The following SGCZ variants were observed in gnomAD, a reference collection of about 807,000 sequenced individuals.
SGCZ encodes the protein sarcoglycan zeta, also known as zeta-sarcoglycan.
A neutral mutation model predicts 41.3 loss-of-function variants in SGCZ; 40 were observed. The ratio of observed to expected loss-of-function variants is 0.97; its 90% confidence interval spans 0.75 to 1.26. The LOEUF (loss-of-function observed/expected upper bound fraction) is 1.26, where lower values mean the gene tolerates loss of function less well. Ranked by LOEUF, SGCZ falls within the 50% of genes most tolerant of loss-of-function variation. The pLI is 0.00. For missense variants in SGCZ, 552 were observed against 369.8 expected, an observed-to-expected ratio of 1.49 and a Z score of -4.04; for synonymous variants, 206 against 137.5, an observed-to-expected ratio of 1.50 and a Z score of -3.49.
At chr8:14,341,276 G>A (rs181657583) in intron 2 of SGCZ, among the ~76,000 whole-genome samples, 2 of 152,226 alleles carry the variant, frequency 1.3e-5, no homozygotes, top group Admixed American at 6.5e-5. Context: ...CAATTCTTTT[G>A]AGTATATATC....
chr8:15,144,105 T>G (rs1327880072), intron 1 of SGCZ, among the ~76,000 whole-genome samples: 4 of 152,138 alleles, frequency 2.6e-5, no homozygotes, highest in Non-Finnish European at 5.9e-5. Flanking sequence ...TAGCAAAATA[T>G]CTGTTTCATT....
At chr8:15,204,258 A>G (rs1800990228) in intron 1 of SGCZ, among the ~76,000 whole-genome samples, 1 of 152,212 alleles carries the variant, frequency 6.6e-6, no homozygotes, top group Non-Finnish European at 1.5e-5. Flanking sequence ...CACAATCAAT[A>G]CATTCAAAAA....
intron 1 of SGCZ, among the ~76,000 whole-genome samples, chr8:14,826,681 C>A (rs1348560365): frequency 6.6e-6 from 1 of 152,026 alleles, no homozygotes; most frequent in Admixed American, 6.6e-5. Flanking sequence ...TCTCTGATAG[C>A]CAGTGATGAT....
chr8:14,990,060 C>T (rs983881477), intron 1 of SGCZ, among the ~76,000 whole-genome samples: 1 of 152,146 alleles, frequency 6.6e-6, no homozygotes, highest in Non-Finnish European at 1.5e-5. Flanking sequence ...ATAACCAATG[C>T]CTTACCCTCC....
intron 2 of SGCZ, among the ~76,000 whole-genome samples, chr8:14,436,581 G>A (rs898173346): frequency 1.3e-5 from 2 of 152,102 alleles, no homozygotes; most frequent in Non-Finnish European, 2.9e-5. Context: ...AAGCAATGCT[G>A]GCAGTACCAA....
chr8:14,690,998 C>G (rs1808782222), intron 1 of SGCZ, among the ~76,000 whole-genome samples: 1 of 152,142 alleles, frequency 6.6e-6, no homozygotes. Flanking sequence ...GCTTAGAATT[C>G]AACCTACATT....
chr8:14,710,170 T>A (rs538869986), intron 1 of SGCZ, among the ~76,000 whole-genome samples: 27 of 151,388 alleles, frequency 1.8e-4, no homozygotes, highest in African/African-American at 6.1e-4. Context: ...ATCGAGACCA[T>A]CCTGGCTAAC....
chr8:14,803,001 C>T (rs964549914), intron 1 of SGCZ, among the ~76,000 whole-genome samples: 1 of 152,134 alleles, frequency 6.6e-6, no homozygotes, highest in Non-Finnish European at 1.5e-5. Flanking sequence ...GCTGTCTTGC[C>T]CACTGCTCCC....
At chr8:14,498,250 T>TA (rs1262610008) in intron 2 of SGCZ, among the ~76,000 whole-genome samples, 2 of 152,206 alleles carry the variant, frequency 1.3e-5, no homozygotes, top group Non-Finnish European at 2.9e-5. Flanking sequence ...TTAAAATTTT[T>TA]ATAGTTCTTC....
intron 1 of SGCZ, among the ~76,000 whole-genome samples, chr8:14,610,868 A>T (rs1216387205): frequency 6.6e-6 from 1 of 152,186 alleles, no homozygotes; most frequent in Non-Finnish European, 1.5e-5. Flanking sequence ...AAGATACGGA[A>T]AGTCAAATAT....
chr8:14,406,548 C>G (rs28428503), intron 2 of SGCZ, among the ~76,000 whole-genome samples: 3 of 152,106 alleles, frequency 2.0e-5, no homozygotes, highest in Admixed American at 6.6e-5. Context: ...TGTGATTTGG[C>G]ATCACATTGA....
At chr8:14,755,397 A>G (rs1416853911) in intron 1 of SGCZ, among the ~76,000 whole-genome samples, 3 of 149,332 alleles carry the variant, frequency 2.0e-5, no homozygotes, top group Non-Finnish European at 4.4e-5. Flanking sequence ...ACAATTAAGG[A>G]GCTCTACTAA....
At chr8:15,085,031 GA>G (rs1211115473) in intron 1 of SGCZ, among the ~76,000 whole-genome samples, 13 of 152,128 alleles carry the variant, frequency 8.5e-5, no homozygotes, top group Admixed American at 2.0e-4. Flanking sequence ...TAATTTGATA[GA>G]TACACATTAT....
intron 1 of SGCZ, among the ~76,000 whole-genome samples, chr8:15,004,834 A>G (rs549222311): frequency 1.3e-5 from 2 of 152,118 alleles, no homozygotes; most frequent in Non-Finnish European, 2.9e-5. Flanking sequence ...CTAGGTGACA[A>G]TGAGGGTTCC....
intron 2 of SGCZ, among the ~76,000 whole-genome samples, chr8:14,510,443 G>GA (rs138784898): frequency 0.017 from 2,552 of 146,474 alleles, 65 homozygotes; most frequent in African/African-American, 0.058. Context: ...TTGTCCTGTA[G>GA]AAAAAAAAAA....
rs771880949 is a variant in SGCZ at position 15,141,506 on chromosome 8, T to C, written c.39+96079A>G. On this transcript the variant is annotated intron_variant, in intron 1 of 7. Coordinates refer to ENST00000382080, the MANE Select transcript of SGCZ (RefSeq NM_139167.4). ...CAGAACAGGGACAGATTTTAGGAAG[T>C]AATTGTACTCTCAATGATGATAAAT... Among the ~76,000 whole-genome samples the C allele has an allele frequency of 3.9e-5, 6 of 152,350 alleles. No individual in the cohort carries two copies. In the East Asian group the frequency reaches 9.6e-4, roughly 24 times the overall value.
At chr8:14,584,135 A>T (rs1223781181) in intron 1 of SGCZ, among the ~76,000 whole-genome samples, 1 of 152,118 alleles carries the variant, frequency 6.6e-6, no homozygotes, top group Non-Finnish European at 1.5e-5. Flanking sequence ...CACTGCTACA[A>T]ACCACATAGA....
chr8:14,953,742 T>A (rs996073026), intron 1 of SGCZ, among the ~76,000 whole-genome samples: 6 of 152,184 alleles, frequency 3.9e-5, no homozygotes, highest in African/African-American at 1.4e-4. Flanking sequence ...GCATGATGTG[T>A]TTAAGAGACT....
rs553677069 is a variant in SGCZ, at chr8:14,387,129, A to G, written c.235-62925T>C. ...GCTCAGGCTGAAATGCAGTTGTTCA[A>G]TCATAACTCCTGGCCTCAAGTGATC... On this transcript the variant is annotated intron_variant, in intron 2 of 7. Transcript: ENST00000382080. Among the ~76,000 whole-genome samples the G allele has an allele frequency of 5.3e-5, 8 of 152,282 alleles. No individual in the cohort carries two copies. In the South Asian group the frequency reaches 1.2e-3, roughly 24 times the overall value.
Sources: allele counts gnomAD v4.1 joint callset (sites outside exome capture counted in the v4.1 genomes callset), GRCh38; gene constraint gnomAD v4.1.1; transcripts MANE v1.5; gene names NCBI Gene and HGNC (gene_info 2026-07-23, HGNC 2026-07-21).